SLC25A26: variants seen among roughly 807,000 people sequenced by gnomAD.
SLC25A26 encodes solute carrier family 25 member 26.
In SLC25A26, 36 loss-of-function variants were observed where a neutral mutation model predicts 37.8. The observed-to-expected ratio is 0.95, with a 90% CI of 0.73 to 1.26. The LOEUF (loss-of-function observed/expected upper bound fraction) is 1.26. SLC25A26 is among the 50% of genes most tolerant of loss of function. The pLI is 0.00. For missense variants in SLC25A26, 390 were observed against 331.1 expected, an observed-to-expected ratio of 1.18 and a Z score of -1.38; for synonymous variants, 129 against 122.5, an observed-to-expected ratio of 1.05 and a Z score of -0.35.
At chr3:66,210,344 A>T (rs2071267671) in intron 1 of SLC25A26, among the ~76,000 whole-genome samples, 1 of 152,048 alleles carries the variant, frequency 6.6e-6, no homozygotes, top group Non-Finnish European at 1.5e-5. Flanking sequence ...GAGTGGGGTG[A>T]TGTGAAGGAA....
intron 5 of SLC25A26, among the ~76,000 whole-genome samples, chr3:66,307,925 C>T (rs2075272857): frequency 6.6e-6 from 1 of 152,176 alleles, no homozygotes; most frequent in South Asian, 2.1e-4. Context: ...AGTTTGAAGT[C>T]AGGTAGCATG....
chr3:66,151,221 G>A (rs923402758), intron 1 of SLC25A26, among the ~76,000 whole-genome samples: 1 of 152,148 alleles, frequency 6.6e-6, no homozygotes, highest in Non-Finnish European at 1.5e-5. Context: ...AGCAAAGAAG[G>A]TATGTGCCAA....
intron 1 of SLC25A26, among the ~76,000 whole-genome samples, chr3:66,230,735 G>A (rs2071976836): frequency 1.4e-5 from 2 of 147,356 alleles, no homozygotes; most frequent in South Asian, 4.5e-4. Context: ...AACCTGGGAG[G>A]TGAAGGTTGC....
At chr3:66,284,800 A>T (rs554570868) in intron 5 of SLC25A26, among the ~76,000 whole-genome samples, 1 of 152,332 alleles carries the variant, frequency 6.6e-6, no homozygotes, top group East Asian at 1.9e-4. Flanking sequence ...ATCTATTGAG[A>T]TATCAAGAAA....
At chr3:66,225,456 C>T (rs1275850068) in intron 1 of SLC25A26, among the ~76,000 whole-genome samples, 1 of 152,148 alleles carries the variant, frequency 6.6e-6, no homozygotes, top group African/African-American at 2.4e-5. Context: ...TGAGGCTGCA[C>T]ACAGCAAGGG....
intron 2 of SLC25A26, among the ~76,000 whole-genome samples, chr3:66,238,935 C>G (rs573468025): frequency 3.3e-5 from 5 of 152,232 alleles, no homozygotes; most frequent in Non-Finnish European, 7.4e-5. Context: ...GTTTCTGTCT[C>G]ACCTTTTTGC....
intron 5 of SLC25A26, among the ~76,000 whole-genome samples, chr3:66,307,082 A>G (rs946403469): frequency 6.6e-6 from 1 of 152,158 alleles, no homozygotes; most frequent in Non-Finnish European, 1.5e-5. Flanking sequence ...GAATTGCTGC[A>G]CTGTCTTCCA....
At chr3:66,377,469 A>T (rs115656107) in intron 9 of SLC25A26, among the ~76,000 whole-genome samples, 22 of 151,476 alleles carry the variant, frequency 1.5e-4, no homozygotes, top group Non-Finnish European at 2.1e-4. Flanking sequence ...ACACCTTTTT[A>T]AAAAAAATCA....
chr3:66,227,273 C>T (rs2071801887), intron 1 of SLC25A26, among the ~76,000 whole-genome samples: 1 of 152,172 alleles, frequency 6.6e-6, no homozygotes, highest in African/African-American at 2.4e-5. Context: ...GTGAATATTT[C>T]CATGGCCAGC....
intron 5 of SLC25A26, among the ~76,000 whole-genome samples, chr3:66,281,528 C>G (rs6765303): frequency 0.067 from 10,198 of 151,984 alleles, 1,043 homozygotes; most frequent in African/African-American, 0.22. Context: ...CTCCCTTGCC[C>G]TCCAGATCCT....
At chr3:66,134,706 G>A (rs2069920818) in intron 1 of SLC25A26, among the ~76,000 whole-genome samples, 1 of 152,158 alleles carries the variant, frequency 6.6e-6, no homozygotes, top group African/African-American at 2.4e-5. Flanking sequence ...CATGTCTTTG[G>A]AAAAAGTCTT....
intron 1 of SLC25A26, among the ~76,000 whole-genome samples, chr3:66,231,327 G>A (rs1208151487): frequency 6.6e-6 from 1 of 152,020 alleles, no homozygotes; most frequent in Admixed American, 6.6e-5. Flanking sequence ...TTTGCTGAGT[G>A]GCTTCTATAT....
chr3:66,203,046 ATTAAC>A (rs1213704403), intron 1 of SLC25A26, among the ~76,000 whole-genome samples: 2 of 152,220 alleles, frequency 1.3e-5, no homozygotes, highest in Non-Finnish European at 2.9e-5. Context: ...GATTTAATAT[ATTAAC>A]TTAATTGTAA....
At chr3:66,297,266 T>G (rs976426423) in intron 5 of SLC25A26, among the ~76,000 whole-genome samples, 1 of 146,844 alleles carries the variant, frequency 6.8e-6, no homozygotes, top group Admixed American at 7.0e-5. Flanking sequence ...AGGTGGAGGT[T>G]GCAGTGAGCC....
intron 5 of SLC25A26, among the ~76,000 whole-genome samples, chr3:66,297,075 A>G (rs1401580644): frequency 6.6e-6 from 1 of 152,216 alleles, no homozygotes; most frequent in East Asian, 1.9e-4. Context: ...CTGTAATCCC[A>G]GCACTTTGGG....
intron 1 of SLC25A26, among the ~76,000 whole-genome samples, chr3:66,221,618 C>G (rs557879089): frequency 6.6e-6 from 1 of 151,928 alleles, no homozygotes; most frequent in East Asian, 1.9e-4. Flanking sequence ...TATTTCTGCT[C>G]CAAGCCTAGG....
At chr3:66,202,457 T>C (rs949359461) in intron 1 of SLC25A26, among the ~76,000 whole-genome samples, 145,186 of 150,854 alleles carry the variant, frequency 0.96, 70,110 homozygotes, top group East Asian at 1. Context: ...GTGCAGCAAA[T>C]GACCACAGCA....
chr3:66,279,746 T>A (rs570823127), intron 5 of SLC25A26, among the ~76,000 whole-genome samples: 1 of 152,172 alleles, frequency 6.6e-6, no homozygotes, highest in Non-Finnish European at 1.5e-5. Context: ...TGGAAATAAG[T>A]GGTTAAATTG....
At chr3:66,303,211 A>T (rs529093400) in intron 5 of SLC25A26, among the ~76,000 whole-genome samples, 1 of 152,196 alleles carries the variant, frequency 6.6e-6, no homozygotes, top group East Asian at 1.9e-4. Flanking sequence ...TTTCTAAAGC[A>T]TTCAGTATTT....
Sources: allele counts gnomAD v4.1 joint callset (sites outside exome capture counted in the v4.1 genomes callset), GRCh38; gene constraint gnomAD v4.1.1; transcripts MANE v1.5; gene names NCBI Gene and HGNC (gene_info 2026-07-23, HGNC 2026-07-21).